TNFSF4: variants seen among roughly 807,000 people sequenced by gnomAD.
TNFSF4 encodes TNF superfamily member 4.
A neutral mutation model predicts 7.3 loss-of-function variants in TNFSF4; 4 were observed. The ratio of observed to expected loss-of-function variants is 0.55; its 90% CI spans 0.27 to 1.25. The LOEUF (loss-of-function observed/expected upper bound fraction) is 1.25, where lower values mean the gene tolerates loss of function less well. TNFSF4 is among the 50% of genes most tolerant of loss of function. TNFSF4 has a pLI of 0.12. For missense variants in TNFSF4, 181 were observed against 208.8 expected (o/e 0.87, Z 0.82); for synonymous variants, 76 against 83.7 (o/e 0.91, Z 0.50).
the TNFSF4 span, among the ~76,000 whole-genome samples, chr1:173,442,539 G>GTTT: frequency 2.7e-5 from 3 of 111,032 alleles, no homozygotes; most frequent in African/African-American, 6.9e-5. Flanking sequence ...TTGGTTTTTC[G>GTTT]TTTTTGTTTT....
At chr1:173,330,890 T>C in the TNFSF4 span, among the ~76,000 whole-genome samples, 2 of 150,604 alleles carry the variant, frequency 1.3e-5, no homozygotes, top group African/African-American at 4.9e-5. Flanking sequence ...CTTATCTTTT[T>C]TTTTTTTTTT....
intron 1 of TNFSF4, 149 bp downstream of exon 1, chr1:173,206,875 G>T: frequency 2.2e-6 from 2 of 896,840 alleles, no homozygotes; most frequent in Non-Finnish European, 3.2e-6. Context: ...ACAGAAGGGC[G>T]TTTAACCACA....
chr1:173,174,714 C>T, the TNFSF4 span: 1 of 152,186 alleles, frequency 6.6e-6, no homozygotes, highest in African/African-American at 2.4e-5. Flanking sequence ...CACGAGATCC[C>T]ACCCCAGACT....
the TNFSF4 span, among the ~76,000 whole-genome samples, chr1:173,428,559 T>C: frequency 6.6e-6 from 1 of 152,266 alleles, no homozygotes; most frequent in East Asian, 1.9e-4. Context: ...AAATTGTGCA[T>C]ATGCATTTAT....
chr1:173,365,813 CATG>C, the TNFSF4 span, among the ~76,000 whole-genome samples: 1 of 152,118 alleles, frequency 6.6e-6, no homozygotes, highest in Non-Finnish European at 1.5e-5. Flanking sequence ...GTATGATCTG[CATG>C]ATGTTTCATA....
the TNFSF4 span, among the ~76,000 whole-genome samples, chr1:173,406,734 G>A: frequency 3.8e-3 from 582 of 152,250 alleles, 4 homozygotes; most frequent in African/African-American, 0.013. Flanking sequence ...ATTGCCCTGC[G>A]ACAGTCTCTG....
At chr1:173,410,077 C>T in the TNFSF4 span, among the ~76,000 whole-genome samples, 1 of 152,198 alleles carries the variant, frequency 6.6e-6, no homozygotes, top group African/African-American at 2.4e-5. Context: ...CCAGCCTGGG[C>T]AACATAGTGA....
At chr1:173,291,940 T>C in the TNFSF4 span, among the ~76,000 whole-genome samples, 1 of 151,448 alleles carries the variant, frequency 6.6e-6, no homozygotes. Context: ...CTCCCCAAGA[T>C]TGAAACCCTG....
At chr1:173,364,481 C>A in the TNFSF4 span, among the ~76,000 whole-genome samples, 1 of 150,962 alleles carries the variant, frequency 6.6e-6, no homozygotes, top group African/African-American at 2.4e-5. Context: ...AAAACTCACA[C>A]CTAATAATAA....
the TNFSF4 span, among the ~76,000 whole-genome samples, chr1:173,446,080 A>G: frequency 6.6e-6 from 1 of 152,222 alleles, no homozygotes; most frequent in African/African-American, 2.4e-5. Flanking sequence ...CAAAGAACCA[A>G]TAAAAGTTTA....
At chr1:173,210,910 C>T (rs1376321979), upstream of TNFSF4, among the ~76,000 whole-genome samples, 1 of 152,130 alleles carries the variant, frequency 6.6e-6, no homozygotes, top group East Asian at 1.9e-4. Context: ...ATATGTTTAT[C>T]ATCCCACAAA....
the TNFSF4 span, among the ~76,000 whole-genome samples, chr1:173,350,166 A>C: frequency 6.6e-6 from 1 of 152,212 alleles, no homozygotes; most frequent in Admixed American, 6.5e-5. Context: ...TGTGAAGGCT[A>C]CATAAAACAA....
chr1:173,231,696 T>C, the TNFSF4 span, among the ~76,000 whole-genome samples: 1 of 152,136 alleles, frequency 6.6e-6, no homozygotes, highest in Non-Finnish European at 1.5e-5. Context: ...GATGACATGA[T>C]TGTATATTTA....
At chr1:173,179,050 C>T (rs1649005411), downstream of TNFSF4, among the ~76,000 whole-genome samples, 1 of 152,150 alleles carries the variant, frequency 6.6e-6, no homozygotes, top group African/African-American at 2.4e-5. Flanking sequence ...AAAAAGGAAC[C>T]AGCTCTGCTA....
At chr1:173,173,322 G>A in the TNFSF4 span, among the ~76,000 whole-genome samples, 10 of 152,166 alleles carry the variant, frequency 6.6e-5, no homozygotes, top group East Asian at 1.5e-3. Context: ...CCATAGTCTC[G>A]TCTGAGACAA....
chr1:173,260,712 T>C, the TNFSF4 span, among the ~76,000 whole-genome samples: 1 of 152,114 alleles, frequency 6.6e-6, no homozygotes, highest in Non-Finnish European at 1.5e-5. Flanking sequence ...AAACAGACTT[T>C]AAACCAACTA....
chr1:173,183,746 T>C lies in TNFSF4; in HGVS notation c.*2770A>G, dbSNP rs1466303589. 2 of 152,178 alleles carry C rather than the reference T, an allele frequency of 1.3e-5. No individual in the cohort carries two copies. The highest frequency in any genetic ancestry group is 2.9e-5 in the Non-Finnish European group (2 of 68,036). 9.4% of individuals were successfully genotyped at this position (152,178 alleles called of 1,614,324 possible). A position where few individuals can be genotyped will look rare whatever the true frequency, so the allele number is the denominator to read the frequency against. On this transcript the variant is annotated 3_prime_UTR_variant, in exon 3 of 3. Transcript: ENST00000281834. ...CTCTCACCAGTAGTGAATTCTGAGA[T>C]CTTTTATTTGTTTCCATGTAAATAG...
At chr1:173,317,111 G>A in the TNFSF4 span, among the ~76,000 whole-genome samples, 3 of 152,246 alleles carry the variant, frequency 2.0e-5, no homozygotes, top group East Asian at 5.8e-4. Context: ...GCTTTGAGCT[G>A]CCATGTTAGA....
At chr1:173,221,183 A>G in the TNFSF4 span, among the ~76,000 whole-genome samples, 5 of 152,360 alleles carry the variant, frequency 3.3e-5, no homozygotes, top group East Asian at 9.6e-4. Context: ...TGTGAGGACA[A>G]CTAAGTAATA....
Sources: allele counts gnomAD v4.1 joint callset (sites outside exome capture counted in the v4.1 genomes callset), GRCh38; gene constraint gnomAD v4.1.1; transcripts MANE v1.5; gene names NCBI Gene and HGNC (gene_info 2026-07-23, HGNC 2026-07-21).